The following PCDH15 variants were observed in gnomAD, a reference collection of about 807,000 sequenced individuals.
The protein encoded by PCDH15 is protocadherin related 15.
A neutral mutation model predicts 178.5 loss-of-function variants in PCDH15; 129 were observed. The observed-to-expected ratio is 0.72, with a 90% CI of 0.63 to 0.84. PCDH15 has a LOEUF of 0.84. PCDH15 is among the 40% of genes least tolerant of loss of function. PCDH15 has a pLI of 0.00. For synonymous variants in PCDH15, 800 were observed against 732.0 expected (o/e 1.09, Z -1.50); for missense variants, 2,230 against 2,099.9 (o/e 1.06, Z -1.21).
chr10:54,641,582 CCACACACA>C lies in PCDH15; in HGVS notation c.91+22582_91+22589del, dbSNP rs57194998. ...ATACACAGGTACACATATGCAAACACCACACACACACACACACACACACACTGCTGTGT... is the reference window on the plus strand; with the variant it reads ...ATACACAGGTACACATATGCAAACACCACACACACACACACACTGCTGTGT... On this transcript the variant is annotated intron_variant, in intron 2 of 37. Transcript: ENST00000644397. Among the ~76,000 whole-genome samples, 314 of 148,776 alleles carry C rather than the reference CCACACACA, an allele frequency of 2.1e-3. 1 individual carries two copies. Among genetic ancestry groups the C allele is most frequent in the African/African-American group, 7.5e-3 (307 of 40,778 alleles).
At chr10:54,219,090 AAAAAAAAAAAAAAAAAAC>A (rs1476493451) in intron 9 of PCDH15, among the ~76,000 whole-genome samples, 6 of 15,278 alleles carry the variant, frequency 3.9e-4, no homozygotes, top group South Asian at 3.3e-3. Flanking sequence ...TGTCTCTACT[AAAAAAAAAAAAAAAAAAC>A]AAAAAAAAAA....
chr10:55,006,755 G>A (rs1286641752), intron 2 of PCDH15, among the ~76,000 whole-genome samples: 1 of 152,210 alleles, frequency 6.6e-6, no homozygotes, highest in East Asian at 1.9e-4. Flanking sequence ...TGGAGATAAA[G>A]TAGATTATTT....
chr10:54,577,852 GAATAAATAAATAAATAAATA>G (rs1228767675), intron 2 of PCDH15, among the ~76,000 whole-genome samples: 1 of 11,474 alleles, frequency 8.7e-5, no homozygotes, highest in African/African-American at 1.2e-4. Context: ...CTAAATAAAT[GAATAAATAAATAAATAAATA>G]AATAAATAAA....
intron 2 of PCDH15, among the ~76,000 whole-genome samples, chr10:55,381,204 G>C: frequency 6.6e-6 from 1 of 152,132 alleles, no homozygotes; most frequent in African/African-American, 2.4e-5. Flanking sequence ...AAAAGGCAGT[G>C]TTTGTCTCCA....
chr10:55,403,857 GT>G (rs140469307), intron 2 of PCDH15, among the ~76,000 whole-genome samples: 2 of 152,078 alleles, frequency 1.3e-5, no homozygotes, highest in Non-Finnish European at 2.9e-5. Flanking sequence ...TAACAAACCA[GT>G]TTTAGAACCA....
intron 1 of PCDH15, among the ~76,000 whole-genome samples, chr10:55,192,750 T>C (rs1436924855): frequency 2.0e-5 from 3 of 151,264 alleles, no homozygotes; most frequent in Non-Finnish European, 4.4e-5. Context: ...TCTATATATA[T>C]ATATACATAT....
intron 2 of PCDH15, among the ~76,000 whole-genome samples, chr10:55,414,134 A>C (rs1838416809): frequency 6.6e-6 from 1 of 151,682 alleles, no homozygotes; most frequent in Non-Finnish European, 1.5e-5. Context: ...TTAAAATCAT[A>C]AAATTTTTTT....
chr10:54,582,175 A>G (rs949685900), intron 2 of PCDH15, among the ~76,000 whole-genome samples: 16 of 152,120 alleles, frequency 1.1e-4, no homozygotes, highest in Non-Finnish European at 2.4e-4. Flanking sequence ...ATATTTGTGA[A>G]TTCTGCATCT....
chr10:54,402,147 A>C (rs1233410642), intron 3 of PCDH15, among the ~76,000 whole-genome samples: 2 of 151,948 alleles, frequency 1.3e-5, no homozygotes, highest in Non-Finnish European at 2.9e-5. Context: ...AACTCAAACA[A>C]CACAGAAAAT....
chr10:53,965,500 T>C (rs906814716), intron 21 of PCDH15, among the ~76,000 whole-genome samples: 9 of 152,168 alleles, frequency 5.9e-5, no homozygotes, highest in African/African-American at 2.2e-4. Flanking sequence ...CAAATCAACT[T>C]AACATTTTTC....
chr10:55,285,124 T>C (rs1340378615), intron 1 of PCDH15, among the ~76,000 whole-genome samples: 1 of 146,984 alleles, frequency 6.8e-6, no homozygotes, highest in Non-Finnish European at 1.5e-5. Flanking sequence ...TAAATACAAG[T>C]TTACCATATA....
At chr10:54,050,890 A>T (rs2093757631) in intron 18 of PCDH15, among the ~76,000 whole-genome samples, 1 of 152,134 alleles carries the variant, frequency 6.6e-6, no homozygotes, top group Non-Finnish European at 1.5e-5. Flanking sequence ...AGGTAATTGA[A>T]TCATGGGAGC....
intron 2 of PCDH15, among the ~76,000 whole-genome samples, chr10:54,626,657 G>C (rs866580967): frequency 6.6e-6 from 1 of 152,132 alleles, no homozygotes; most frequent in African/African-American, 2.4e-5. Context: ...GCAGGGGCCT[G>C]GCCCTCATGG....
intron 1 of PCDH15, among the ~76,000 whole-genome samples, chr10:54,782,072 A>T (rs1950410601): frequency 1.3e-5 from 2 of 152,200 alleles, no homozygotes; most frequent in Admixed American, 6.6e-5. Context: ...TATGAGACAG[A>T]TCTATAAAAT....
At position 55,565,588 on chromosome 10, in the gene PCDH15, A is replaced by G. The variant is rs200509747; in HGVS notation, c.-156+62037T>C. 5.3e-5 allele frequency among the ~76,000 whole-genome samples: 8 copies of G among 151,764 alleles called. No individual in the cohort carries two copies. The East Asian group carries it at 1.6e-3, about 30-fold the overall frequency. Reference sequence around the variant, plus strand: ...GTTTGAAAAGATCAACAACGTTAGTAAACTTTTAGCTAGACGGACTAAGAG... The same window carrying G: ...GTTTGAAAAGATCAACAACGTTAGTGAACTTTTAGCTAGACGGACTAAGAG... On this transcript the variant is annotated intron_variant, in intron 2 of 5. Transcript: ENST00000613346.
chr10:55,546,742 A>T (rs1323371193), intron 2 of PCDH15, among the ~76,000 whole-genome samples: 1 of 152,168 alleles, frequency 6.6e-6, no homozygotes, highest in Non-Finnish European at 1.5e-5. Context: ...ATTTTTACTG[A>T]TAGCCTTACT....
At chr10:54,260,057 T>G (rs140388699) in intron 8 of PCDH15, among the ~76,000 whole-genome samples, 1,547 of 152,260 alleles carry the variant, frequency 0.01, 25 homozygotes, top group African/African-American at 0.033. Flanking sequence ...CTGTCAACTT[T>G]GATTCATTTT....
chr10:54,989,300 G>A (rs866840556), intron 2 of PCDH15, among the ~76,000 whole-genome samples: 12 of 152,144 alleles, frequency 7.9e-5, no homozygotes, highest in Admixed American at 5.2e-4. Context: ...GTCCCTACTC[G>A]GCACCACCTT....
intron 26 of PCDH15, among the ~76,000 whole-genome samples, chr10:53,882,873 C>G (rs563765215): frequency 6.6e-6 from 1 of 151,852 alleles, no homozygotes; most frequent in African/African-American, 2.4e-5. Context: ...GGCCAATAGT[C>G]TTTTATAATG....
Sources: gnomAD v4.1 joint callset for allele counts (sites outside exome capture counted in the v4.1 genomes callset) on GRCh38, gnomAD v4.1.1 for gene constraint, MANE v1.5 for transcripts, NCBI Gene and HGNC (gene_info 2026-07-23, HGNC 2026-07-21) for gene names.